Variants in GRIA1 observed in about 807,000 individuals in gnomAD.
GRIA1 encodes the protein glutamate receptor 1.
A neutral mutation model predicts 99.2 loss-of-function variants in GRIA1; 31 were observed. That is an observed-to-expected ratio of 0.31 (90% confidence interval 0.23 to 0.42). The LOEUF is 0.42. GRIA1 is among the 10% of genes least tolerant of loss of function. The pLI, the probability that GRIA1 is intolerant of heterozygous loss-of-function variation, is 1.00. For missense variants in GRIA1, 782 were observed against 1,157.5 expected (o/e 0.68, Z 4.71); for synonymous variants, 438 against 432.4 (o/e 1.01, Z -0.16).
intron 11 of GRIA1, among the ~76,000 whole-genome samples, chr5:153,739,211 C>G (rs1306890405): frequency 1.3e-5 from 2 of 152,172 alleles, no homozygotes; most frequent in Admixed American, 1.3e-4. Flanking sequence ...ACCTTTCCAC[C>G]AAGGATCTCA....
chr5:153,594,153 C>G (rs1764223092), intron 2 of GRIA1, among the ~76,000 whole-genome samples: 1 of 152,124 alleles, frequency 6.6e-6, no homozygotes, highest in African/African-American at 2.4e-5. Flanking sequence ...TTACGATTAT[C>G]TTTTTGTCTC....
intron 11 of GRIA1, among the ~76,000 whole-genome samples, chr5:153,763,313 C>G (rs1039772081): frequency 1.3e-5 from 2 of 152,162 alleles, no homozygotes; most frequent in African/African-American, 2.4e-5. Flanking sequence ...TCCCGAGGCA[C>G]AGTAGACTCT....
intron 11 of GRIA1, among the ~76,000 whole-genome samples, chr5:153,716,374 C>T (rs1419785670): frequency 6.6e-6 from 1 of 152,188 alleles, no homozygotes; most frequent in African/African-American, 2.4e-5. Context: ...TTCTGAAGGT[C>T]CCTTAGGGCT....
intron 2 of GRIA1, among the ~76,000 whole-genome samples, chr5:153,603,046 A>G (rs187185510): frequency 1.4e-3 from 212 of 152,204 alleles, no homozygotes; most frequent in African/African-American, 4.2e-3. Flanking sequence ...AGCATTAGGT[A>G]TATCTCCTAA....
chr5:153,799,113 G>A (rs1016013517), intron 14 of GRIA1, among the ~76,000 whole-genome samples: 5 of 152,098 alleles, frequency 3.3e-5, no homozygotes, highest in Non-Finnish European at 5.9e-5. Context: ...AGCTTTTCTG[G>A]TGTGCAGCTG....
At chr5:153,594,445 A>G (rs1381400640) in intron 2 of GRIA1, among the ~76,000 whole-genome samples, 1 of 152,042 alleles carries the variant, frequency 6.6e-6, no homozygotes, top group Non-Finnish European at 1.5e-5. Flanking sequence ...TAATATATTT[A>G]TCTACTGCAT....
intron 10 of GRIA1, among the ~76,000 whole-genome samples, chr5:153,701,624 A>AAAAAAAAAAAAAAAAAAAG: frequency 6.9e-6 from 1 of 144,422 alleles, no homozygotes; most frequent in Non-Finnish European, 1.5e-5. Flanking sequence ...CGTCTCAAAA[A>AAAAAAAAAAAAAAAAAAAG]AAAAAAAAAA....
At chr5:153,792,536 T>C (rs1173197579) in intron 13 of GRIA1, among the ~76,000 whole-genome samples, 1 of 152,078 alleles carries the variant, frequency 6.6e-6, no homozygotes, top group Non-Finnish European at 1.5e-5. Flanking sequence ...CTACATACAT[T>C]CCCTTAAAAC....
At chr5:153,731,453 A>G (rs1761018944) in intron 11 of GRIA1, among the ~76,000 whole-genome samples, 1 of 152,076 alleles carries the variant, frequency 6.6e-6, no homozygotes, top group Non-Finnish European at 1.5e-5. Flanking sequence ...CTGCTAGGAC[A>G]GCCTGTAGCT....
intron 5 of GRIA1, among the ~76,000 whole-genome samples, chr5:153,660,475 C>G (rs1411406661): frequency 2.0e-5 from 3 of 152,090 alleles, no homozygotes; most frequent in African/African-American, 7.2e-5. Context: ...CATGGAATCC[C>G]AAAATTTGTG....
intron 14 of GRIA1, chr5:153,795,338 A>G (rs748850356): frequency 1.2e-5 from 7 of 580,938 alleles, no homozygotes; most frequent in Non-Finnish European, 2.2e-5. Flanking sequence ...GGGCGGGGCC[A>G]GATGGAGTAT....
At chr5:153,756,574 A>G (rs1344468874) in intron 11 of GRIA1, among the ~76,000 whole-genome samples, 2 of 152,200 alleles carry the variant, frequency 1.3e-5, no homozygotes, top group African/African-American at 4.8e-5. Context: ...ACACAAAGCC[A>G]TATGGACCAG....
At chr5:153,561,213 A>G (rs1023264381) in intron 2 of GRIA1, among the ~76,000 whole-genome samples, 3 of 152,190 alleles carry the variant, frequency 2.0e-5, no homozygotes, top group African/African-American at 4.8e-5. Flanking sequence ...TCTCTCTAGT[A>G]TCTTCTCTGT....
chr5:153,593,891 G>A (rs548940095), intron 2 of GRIA1, among the ~76,000 whole-genome samples: 9 of 152,024 alleles, frequency 5.9e-5, no homozygotes, highest in South Asian at 2.1e-4. Flanking sequence ...GCATTTTCCC[G>A]TAGTTTCTTA....
chr5:153,651,344 A>C (rs1053049753), intron 4 of GRIA1, among the ~76,000 whole-genome samples: 1 of 152,162 alleles, frequency 6.6e-6, no homozygotes, highest in Non-Finnish European at 1.5e-5. Flanking sequence ...ATTCTTCTAT[A>C]AACAGGCATT....
chr5:153,750,342 A>G (rs557484772), intron 11 of GRIA1, among the ~76,000 whole-genome samples: 152 of 152,252 alleles, frequency 1.0e-3, no homozygotes, highest in Non-Finnish European at 1.8e-3. Flanking sequence ...ATTCCTTTTT[A>G]TAAATAGCCA....
chr5:153,743,682 A>G lies in GRIA1; in HGVS notation c.1824-20752A>G, dbSNP rs147082942. ...ATGGAGAAAATTCTTCTTTTAAAAG[A>G]CTCATGTCATAGATTAGGTACGCCC... On this transcript the variant is annotated intron_variant, in intron 11 of 15. Transcript: ENST00000285900. 3.0e-3 allele frequency among the ~76,000 whole-genome samples: 448 copies of G among 151,736 alleles called. 3 individuals carry two copies. Among genetic ancestry groups the G allele is most frequent in the African/African-American group, 0.01 (418 of 41,154 alleles).
rs760335902 is a variant in GRIA1 at position 153,770,981 on chromosome 5, G to A, written c.2270+566G>A. ...TGATTTATTTAGCAAGATATAGACA[G>A]TTTGGTAAAGAAGCAGAGTGGACTT... On this transcript the variant is annotated intron_variant, in intron 13 of 15. Coordinates refer to ENST00000285900, the MANE Select transcript of GRIA1 (RefSeq NM_000827.4). 2.6e-5 allele frequency among the ~76,000 whole-genome samples: 4 copies of A among 152,200 alleles called. No homozygotes were observed. The South Asian group carries it at 8.3e-4, about 32-fold the overall frequency.
chr5:153,788,110 A>C (rs1236741632), intron 13 of GRIA1, among the ~76,000 whole-genome samples: 5 of 152,084 alleles, frequency 3.3e-5, no homozygotes, highest in Non-Finnish European at 7.4e-5. Context: ...TAGTGCATCC[A>C]AAGCTGAACT....
Sources: gnomAD v4.1 joint callset for allele counts (sites outside exome capture counted in the v4.1 genomes callset) on GRCh38, gnomAD v4.1.1 for gene constraint, MANE v1.5 for transcripts, NCBI Gene and HGNC (gene_info 2026-07-23, HGNC 2026-07-21) for gene names.